Variants in FAM13B observed in about 807,000 individuals in gnomAD.
The protein encoded by FAM13B is family with sequence similarity 13 member B, also known as protein FAM13B.
FAM13B carries 60 observed loss-of-function variants against 117.3 expected under a neutral mutation model. The observed-to-expected ratio is 0.51, with a 90% CI of 0.42 to 0.63. The LOEUF (loss-of-function observed/expected upper bound fraction) is 0.63, where lower values mean the gene tolerates loss of function less well. Among genes scored for constraint, FAM13B ranks in the 30% least tolerant of loss-of-function variants. FAM13B has a pLI of 0.00. For missense variants in FAM13B, 972 were observed against 1,091.9 expected, an observed-to-expected ratio of 0.89 and a Z score of 1.55; for synonymous variants, 332 against 356.1, an observed-to-expected ratio of 0.93 and a Z score of 0.76.
chr5:137,977,846 T>C (rs941136518), intron 10 of FAM13B, among the ~76,000 whole-genome samples: 17 of 152,224 alleles, frequency 1.1e-4, no homozygotes, highest in African/African-American at 4.1e-4. Context: ...AAATTTTCTT[T>C]AATTATTTGA....
At chr5:137,946,445 T>C (rs1044427306) in intron 18 of FAM13B, 134 bp from the exon 19 acceptor site, 13 of 608,074 alleles carry the variant, frequency 2.1e-5, no homozygotes, top group Non-Finnish European at 3.3e-5. Flanking sequence ...CGATCAACAG[T>C]CTAGCCCAGG....
At chr5:137,980,146 C>T (rs569354471) in intron 10 of FAM13B, among the ~76,000 whole-genome samples, 299 of 149,068 alleles carry the variant, frequency 2.0e-3, no homozygotes, top group African/African-American at 7.1e-3. Context: ...GCACTCTAGC[C>T]GGGGCGACAA....
chr5:137,947,421 T>A (rs968539368), intron 18 of FAM13B, among the ~76,000 whole-genome samples: 6 of 152,130 alleles, frequency 3.9e-5, no homozygotes, highest in African/African-American at 1.4e-4. Flanking sequence ...TTGTAGCAGG[T>A]AGGGGAATAT....
At chr5:138,013,143 C>CT (rs1784456766) in intron 4 of FAM13B, among the ~76,000 whole-genome samples, 2 of 151,520 alleles carry the variant, frequency 1.3e-5, no homozygotes, top group Admixed American at 1.3e-4. Context: ...GCAGTGGTTG[C>CT]AGTAAGCCGA....
At chr5:137,983,176 T>TAAAAAAAAAAAAAA (rs56880991) in intron 10 of FAM13B, among the ~76,000 whole-genome samples, 1 of 75,118 alleles carries the variant, frequency 1.3e-5, no homozygotes, top group African/African-American at 5.7e-5. Flanking sequence ...CCAGTGTAGG[T>TAAAAAAAAAAAAAA]AAAAAAAAAA....
rs181159246 is a variant in FAM13B, at chr5:137,967,509, C to T, written c.1180-5040G>A. Among the ~76,000 whole-genome samples the T allele has an allele frequency of 1.1e-4, 16 of 151,068 alleles. No individual in the cohort carries two copies. In the East Asian group the frequency reaches 2.3e-3, roughly 22 times the overall value. On this transcript the variant is annotated intron_variant, in intron 10 of 23. Transcript: ENST00000689681. ...CTGCACTTCAACCTGGGAGACAAAC[C>T]GAGACTCTGTCTCAAAAAAAAAATG...
chr5:137,954,673 T>C (rs76473969), intron 14 of FAM13B: 1,756 of 168,124 alleles, frequency 0.01, 29 homozygotes, highest in African/African-American at 0.04. Flanking sequence ...TGGAATTCAG[T>C]GTCATGATGG....
chr5:138,001,264 T>C (rs767107692), intron 7 of FAM13B, among the ~76,000 whole-genome samples: 17 of 152,188 alleles, frequency 1.1e-4, no homozygotes, highest in South Asian at 2.1e-4. Flanking sequence ...AATTACTTCA[T>C]AGGAATACTC....
At chr5:137,964,358 G>C (rs1350263925) in intron 10 of FAM13B, among the ~76,000 whole-genome samples, 2 of 151,816 alleles carry the variant, frequency 1.3e-5, no homozygotes, top group Non-Finnish European at 2.9e-5. Flanking sequence ...TGATCCATCT[G>C]TCTTCAGCCT....
chr5:137,968,560 T>C (rs542150476), intron 10 of FAM13B, among the ~76,000 whole-genome samples: 2 of 152,288 alleles, frequency 1.3e-5, no homozygotes, highest in East Asian at 3.9e-4. Context: ...AAGCTGTTTA[T>C]GTGATCAGCT....
At chr5:138,029,414 T>C (rs1789321289) in intron 1 of FAM13B, among the ~76,000 whole-genome samples, 1 of 152,232 alleles carries the variant, frequency 6.6e-6, no homozygotes, top group African/African-American at 2.4e-5. Context: ...TGGAAATGTT[T>C]TGCAGTTGCT....
chr5:138,024,331 A>T (rs1787592737), intron 1 of FAM13B, among the ~76,000 whole-genome samples: 1 of 152,182 alleles, frequency 6.6e-6, no homozygotes. Context: ...AAAGAAGAGC[A>T]TGTGAAGACA....
At chr5:137,988,060 C>CA (rs1327749233) in intron 8 of FAM13B, among the ~76,000 whole-genome samples, 1 of 152,044 alleles carries the variant, frequency 6.6e-6, no homozygotes, top group Non-Finnish European at 1.5e-5. Flanking sequence ...TCAGAGGATT[C>CA]AAAAAAACCA....
intron 4 of FAM13B, 144 bp from the exon 5 acceptor site, chr5:138,012,089 C>G: frequency 3.7e-6 from 2 of 547,026 alleles, no homozygotes; most frequent in South Asian, 5.3e-5. Context: ...GGGCCAAATG[C>G]CTTAGGGCTT....
chr5:137,956,554 G>GA lies in FAM13B; in HGVS notation c.1442-13dup. The GA allele has an allele frequency of 2.5e-6, 4 of 1,576,898 alleles. No individual in the cohort carries two copies. Among genetic ancestry groups the GA allele is most frequent in the South Asian group, 1.2e-5 (1 of 85,208 alleles). On this transcript the variant is annotated splice_polypyrimidine_tract_variant and intron_variant, in intron 13 of 23. Coordinates refer to ENST00000689681, the MANE Select transcript of FAM13B (RefSeq NM_001385994.1). ...GATAGGGCATGACGCTAATAAAATG[G>GA]AAAAAATGGCAAAAAATACTAAAGT... is the stretch of plus-strand genomic sequence containing the variant.
At chr5:138,046,589 T>G (rs1207980045) in intron 1 of FAM13B, among the ~76,000 whole-genome samples, 1 of 152,220 alleles carries the variant, frequency 6.6e-6, no homozygotes, top group Non-Finnish European at 1.5e-5. Flanking sequence ...ACAGGAAGTG[T>G]AAGTGGTAGT....
intron 10 of FAM13B, among the ~76,000 whole-genome samples, chr5:137,963,840 T>G (rs924152444): frequency 1.1e-4 from 17 of 152,274 alleles, no homozygotes; most frequent in Middle Eastern, 6.8e-3. Context: ...GTTGTGTTCC[T>G]TATGAGAATC....
chr5:137,956,408 C>T, intron 14 of FAM13B, 69 bp downstream of exon 14: 1 of 1,109,402 alleles, frequency 9.0e-7, no homozygotes. Flanking sequence ...AGGAGAAGGG[C>T]TTAATAAAAA....
intron 1 of FAM13B, among the ~76,000 whole-genome samples, chr5:138,046,156 C>G (rs138206881): frequency 0.013 from 2,038 of 152,264 alleles, 34 homozygotes; most frequent in African/African-American, 0.045. Flanking sequence ...CACAAGCTCT[C>G]TCTTTGCTTG....
Sources: allele counts gnomAD v4.1 joint callset (sites outside exome capture counted in the v4.1 genomes callset), GRCh38; gene constraint gnomAD v4.1.1; transcripts MANE v1.5; gene names NCBI Gene and HGNC (gene_info 2026-07-23, HGNC 2026-07-21).